Variants in ADAR observed in about 807,000 individuals in gnomAD.
ADAR encodes double-stranded RNA-specific adenosine deaminase.
A neutral mutation model predicts 113.2 loss-of-function variants in ADAR; 41 were observed. That is an observed-to-expected ratio of 0.36 (90% CI 0.28 to 0.47). The LOEUF (loss-of-function observed/expected upper bound fraction) is 0.47, where lower values mean the gene tolerates loss of function less well. ADAR is among the 20% of genes least tolerant of loss of function. ADAR has a pLI of 1.00. For synonymous variants in ADAR, 605 were observed against 572.6 expected, an observed-to-expected ratio of 1.06 and a Z score of -0.81; for missense variants, 1,242 against 1,540.9, an observed-to-expected ratio of 0.81 and a Z score of 3.25.
chr1:154,596,721 A>T (rs1697521117), intron 6 of ADAR, 84 bp downstream of exon 6: 2 of 1,530,190 alleles, frequency 1.3e-6, no homozygotes, highest in Non-Finnish European at 1.8e-6. Flanking sequence ...TGTCCTACAC[A>T]GCTAAAGCAC....
At position 154,597,164 on chromosome 1, in the gene ADAR, G is replaced by A. The variant is rs1448174545; in HGVS notation, c.2038C>T (p.Leu680=). 12 of 1,614,086 alleles carry A rather than the reference G, an allele frequency of 7.4e-6. No individual in the cohort carries two copies. Among genetic ancestry groups the A allele is most frequent in the Non-Finnish European group, 1.0e-5 (12 of 1,180,028 alleles). Residue 680 remains leucine (L), a synonymous_variant, in exon 5 of 15, where the codon CTG becomes TTG. Coordinates refer to ENST00000368474, the MANE Select transcript of ADAR (RefSeq NM_001111.5). ...QMAAEEAMKA[L]HGEATNSMAS... is the part of the protein sequence containing the mutation. ...ATGGAGTTGGTCGCCTCCCCATGCAGGGCCTTCATGGCTTCCTCTGCGGCC... is the reference window on the plus strand; with the variant it reads ...ATGGAGTTGGTCGCCTCCCCATGCAAGGCCTTCATGGCTTCCTCTGCGGCC...
chr1:154,585,610 G>A, intron 13 of ADAR, 143 bp downstream of exon 13: 1 of 871,778 alleles, frequency 1.1e-6, no homozygotes, highest in Non-Finnish European at 1.8e-6. Context: ...AATGTTGGTG[G>A]TGGGCCACTG....
At chr1:154,596,519 C>T (rs957493954) in intron 6 of ADAR, among the ~76,000 whole-genome samples, 1 of 152,120 alleles carries the variant, frequency 6.6e-6, no homozygotes, top group Non-Finnish European at 1.5e-5. Flanking sequence ...GGATTACAGG[C>T]GTGAGCCACC....
At chr1:154,624,648 T>C (rs1005787753) in intron 1 of ADAR, among the ~76,000 whole-genome samples, 1 of 152,224 alleles carries the variant, frequency 6.6e-6, no homozygotes, top group East Asian at 1.9e-4. Flanking sequence ...ATATTTAATT[T>C]TGAGACAAAC....
intron 11 of ADAR, 75 bp from the exon 12 acceptor site, chr1:154,586,438 T>C: frequency 1.4e-6 from 2 of 1,456,278 alleles, no homozygotes; most frequent in Non-Finnish European, 1.9e-6. Context: ...TCTATCCTCC[T>C]TAAGCTTGGG....
Position 154,584,244 on chromosome 1 carries a change from C to A in ADAR, c.*562G>T, listed in dbSNP as rs114635155. On this transcript the variant is annotated 3_prime_UTR_variant, in exon 15 of 15. Transcript: ENST00000368474. ...TGGCACTGGGAACTGCAGTTTTCAA[C>A]TCCTACCCTTACAAATGTTTCACCA... 1.9e-5 allele frequency: 3 copies of A among 153,942 alleles called. No individual in the cohort carries two copies. Among genetic ancestry groups the A allele is most frequent in the Non-Finnish European group, 4.3e-5 (3 of 69,256 alleles). 9.5% of individuals were successfully genotyped at this position (153,942 alleles called of 1,614,324 possible).
At position 154,585,737 on chromosome 1, in the gene ADAR, A is replaced by T. The variant is rs1696715382; in HGVS notation, c.3315+16T>A. 1 of 1,594,622 alleles carries T rather than the reference A, an allele frequency of 6.3e-7. No homozygotes were observed. The highest frequency in any genetic ancestry group is 8.6e-7 in the Non-Finnish European group (1 of 1,162,364). On this transcript the variant is annotated intron_variant, in intron 13 of 14. Transcript: ENST00000368474. ...AGGAGGAAAATGTCAGGGAAAATAGAAGGGGGTTATAGCACCTTGGGGTGG... is the reference window on the plus strand; with the variant it reads ...AGGAGGAAAATGTCAGGGAAAATAGTAGGGGGTTATAGCACCTTGGGGTGG...
In ADAR at chr1:154,601,896, G is replaced by A. The variant is rs750380232; in HGVS notation, c.746C>T (p.Ser249Leu). The stretch of plus-strand genomic sequence containing the variant: ...GCTGTGCTGGTTCCAAGCCTGAGCT[G>A]AGACTGCAATAAAAGGCTCAAGAAG... Reference protein sequence around the residue: ...EDLLEPFIAVSAQAWNQHSGV... With the variant: ...EDLLEPFIAVLAQAWNQHSGV... Residue 249 changes from serine to leucine, a missense_variant, in exon 2 of 15, where the codon TCA (serine) becomes TTA (leucine). Physicochemically the swap from Ser to Leu is moderately radical, Grantham distance 145. This residue lies in a region of ADAR where 462 missense variants were observed against 483.1 expected (regional missense o/e 0.96). Coordinates refer to ENST00000368474, the MANE Select transcript of ADAR (RefSeq NM_001111.5). The surrounding 1 kb of genome is among the most constrained non-coding windows in gnomAD (Gnocchi z 4.7). 9.3e-6 allele frequency: 15 copies of A among 1,613,952 alleles called. No individual in the cohort carries two copies. The African/African-American group carries it at 1.1e-4, about 11-fold the overall frequency.
rs1158590755 is a variant in ADAR at position 154,583,588 on chromosome 1, C to T, written c.*1218G>A. ...ATAAAGATCAGGTCTGCGCCCTGCC[C>T]ACGAGCCTACTTCTGAAGCCATCTG... On this transcript the variant is annotated 3_prime_UTR_variant, in exon 15 of 15. Transcript: ENST00000368474. 6.6e-6 allele frequency: 1 copy of T among 152,178 alleles called. No homozygotes were observed. Among genetic ancestry groups the T allele is most frequent in the Non-Finnish European group, 1.5e-5 (1 of 68,030 alleles). 9.4% of individuals were successfully genotyped at this position (152,178 alleles called of 1,614,324 possible). A position where few individuals can be genotyped will look rare whatever the true frequency, so the allele number is the denominator to read the frequency against.
intron 2 of ADAR, chr1:154,600,325 T>A (rs1292295316): frequency 6.6e-6 from 1 of 152,376 alleles, no homozygotes; most frequent in African/African-American, 2.4e-5. Context: ...CACCCCCAGC[T>A]AATTTTTGTA....
At position 154,589,843 on chromosome 1, in the gene ADAR, G is replaced by A; in HGVS notation, c.2582C>T (p.Pro861Leu). 6.2e-7 allele frequency: 1 copy of A among 1,614,066 alleles called. No homozygotes were observed. Among genetic ancestry groups the A allele is most frequent in the Non-Finnish European group, 8.5e-7 (1 of 1,180,026 alleles). The stretch of plus-strand genomic sequence containing the variant: ...CAGAATCTTGCGGCCGAGCAAGGAG[G>A]GCTGGAAGCTGTTAGTCAGAGTGTT... ...CFNTLTNSFQ[P>L]SLLGRKILAA... is the part of the protein sequence containing the mutation. Residue 861 changes from proline (P) to leucine (L), a missense_variant, in exon 8 of 15, where the codon CCC becomes CTC. Around this residue, in one of 2 missense-constraint regions of ADAR, gnomAD observed 780 missense variants for 1,057.9 expected, o/e 0.74. Transcript: ENST00000368474.
chr1:154,594,787 G>A (rs1697388632), intron 6 of ADAR, among the ~76,000 whole-genome samples: 1 of 152,174 alleles, frequency 6.6e-6, no homozygotes, highest in Non-Finnish European at 1.5e-5. Flanking sequence ...CTGAGAAACT[G>A]AATTTGTCAG....
chr1:154,608,329 C>CTTT (rs560819918), upstream of ADAR: 1,150 of 287,326 alleles, frequency 4.0e-3, 12 homozygotes, highest in African/African-American at 0.024. Flanking sequence ...ACGGAAGGTA[C>CTTT]TTTTTTTTTT....
chr1:154,585,779 G>T lies in ADAR; in HGVS notation c.3289C>A (p.His1097Asn), dbSNP rs200537032. 80 of 1,613,942 alleles carry T rather than the reference G, an allele frequency of 5.0e-5. 1 individual carries two copies. The Middle Eastern group carries it at 8.3e-4, about 17-fold the overall frequency. The change falls in exon 13 of 15, where the codon CAT (histidine) becomes AAT (asparagine). Residue 1097 changes from histidine to asparagine, a missense_variant. This residue lies in a region of ADAR where 780 missense variants were observed against 1,057.9 expected (regional missense o/e 0.74). Coordinates refer to ENST00000368474, the MANE Select transcript of ADAR (RefSeq NM_001111.5). ...TTGGGGTGGTTGACAATAAAGGGAT[G>T]TCGTAGTCCATCCTCAAATGCACTC... ...DGSAFEDGLR[H>N]PFIVNHPKVG...
At chr1:154,623,988 G>C (rs1230509540) in intron 1 of ADAR, among the ~76,000 whole-genome samples, 1 of 149,842 alleles carries the variant, frequency 6.7e-6, no homozygotes, top group East Asian at 2.0e-4. Flanking sequence ...GGGGGCGACA[G>C]AGCAAGACGA....
intron 1 of ADAR, among the ~76,000 whole-genome samples, chr1:154,614,111 A>G (rs1218606710): frequency 1.3e-5 from 2 of 152,206 alleles, no homozygotes; most frequent in Non-Finnish European, 2.9e-5. Context: ...CATATGTAAA[A>G]TAATACTAAT....
chr1:154,603,351 G>T (rs1233374402), intron 1 of ADAR, among the ~76,000 whole-genome samples: 1 of 152,122 alleles, frequency 6.6e-6, no homozygotes, highest in South Asian at 2.1e-4. Flanking sequence ...GGAGCTGGAG[G>T]GTTTCCTGAT....
chr1:154,626,667 G>A (rs1477931697), intron 1 of ADAR, among the ~76,000 whole-genome samples: 1 of 152,104 alleles, frequency 6.6e-6, no homozygotes, highest in Non-Finnish European at 1.5e-5. Context: ...TAGACACTTC[G>A]AATTCTGACA....
chr1:154,584,679 A>G lies in ADAR; in HGVS notation c.*127T>C. 2.3e-6 allele frequency: 2 copies of G among 880,978 alleles called. No homozygotes were observed. Among genetic ancestry groups the G allele is most frequent in the Non-Finnish European group, 3.6e-6 (2 of 552,508 alleles). 54.6% of individuals were successfully genotyped at this position (880,978 alleles called of 1,614,324 possible). The stretch of plus-strand genomic sequence containing the variant: ...GGAACCCAAAGTTTTCAGTATCACC[A>G]ATTATGGCTTAAAAAGAAAAAAAAA... On this transcript the variant is annotated 3_prime_UTR_variant, in exon 15 of 15. Transcript: ENST00000368474.
Sources: gnomAD v4.1 joint callset for allele counts (sites outside exome capture counted in the v4.1 genomes callset) on GRCh38, gnomAD v4.1.1 for gene constraint, gnomAD v4.1.1 regional missense constraint, Gnocchi (gnomAD v3.1) non-coding constraint, MANE v1.5 for transcripts, NCBI Gene and HGNC (gene_info 2026-07-23, HGNC 2026-07-21) for gene names.